ITPK1: variants seen among roughly 807,000 people sequenced by gnomAD.
ITPK1 encodes inositol 1,3,4-trisphosphate 5/6-kinase.
A neutral mutation model predicts 45.3 loss-of-function variants in ITPK1; 21 were observed. The ratio of observed to expected loss-of-function variants is 0.46; its 90% confidence interval spans 0.33 to 0.67. The LOEUF (loss-of-function observed/expected upper bound fraction) is 0.67. Ranked by LOEUF, ITPK1 falls within the 30% of genes least tolerant of loss-of-function variation. The pLI is 0.02. For synonymous variants in ITPK1, 258 were observed against 253.6 expected (o/e 1.02, Z -0.16); for missense variants, 474 against 573.5 (o/e 0.83, Z 1.77).
rs529068057 is a variant in ITPK1 at position 93,020,210 on chromosome 14, C to G, written c.121-3409G>C. ...GGGAGACGGCACAAAGGCCTGCAAACCCCAGTGGCCCCAGAGTCCTCTTTG... is the reference window on the plus strand; with the variant it reads ...GGGAGACGGCACAAAGGCCTGCAAAGCCCAGTGGCCCCAGAGTCCTCTTTG... On this transcript the variant is annotated intron_variant, in intron 3 of 10. Transcript: ENST00000267615. 5.3e-5 allele frequency among the ~76,000 whole-genome samples: 8 copies of G among 152,334 alleles called. No homozygotes were observed. The South Asian group carries it at 1.0e-3, about 20-fold the overall frequency.
chr14:93,070,708 G>A (rs541236449), intron 3 of ITPK1: 1 of 152,468 alleles, frequency 6.6e-6, no homozygotes, highest in East Asian at 1.9e-4. Flanking sequence ...CCTGTCTGGT[G>A]TCCCTGCCTA....
At chr14:93,059,994 G>GAACGCGT in intron 3 of ITPK1, among the ~76,000 whole-genome samples, 1 of 151,980 alleles carries the variant, frequency 6.6e-6, no homozygotes, top group African/African-American at 2.4e-5. Context: ...GTAGAACGCA[G>GAACGCGT]CATTCAAGAT....
At position 93,049,994 on chromosome 14, in the gene ITPK1, G is replaced by A. The variant is rs1017069025; in HGVS notation, c.120+26601C>T. Among the ~76,000 whole-genome samples the A allele has an allele frequency of 2.6e-5, 4 of 152,286 alleles. No individual in the cohort carries two copies. In the South Asian group the frequency reaches 6.2e-4, roughly 24 times the overall value. ...TTGGCAAAGGTTCTAGGCCTGCCAT[G>A]GGGGTGGGCGCCGACAATCCCTGCT... On this transcript the variant is annotated intron_variant, in intron 3 of 10. Coordinates refer to ENST00000267615, the MANE Select transcript of ITPK1 (RefSeq NM_014216.6).
At chr14:93,096,201 C>G (rs546338126) in intron 2 of ITPK1, among the ~76,000 whole-genome samples, 3 of 152,330 alleles carry the variant, frequency 2.0e-5, no homozygotes, top group African/African-American at 4.8e-5. Flanking sequence ...CTTCCCCTGC[C>G]TGAGATGCCG....
intron 5 of ITPK1, among the ~76,000 whole-genome samples, chr14:92,990,843 C>T (rs1376008204): frequency 6.6e-6 from 1 of 152,184 alleles, no homozygotes; most frequent in Non-Finnish European, 1.5e-5. Flanking sequence ...TGTGCCATGT[C>T]CCAACTGCCC....
intron 3 of ITPK1, among the ~76,000 whole-genome samples, chr14:93,044,584 G>A (rs1417784650): frequency 6.6e-6 from 1 of 152,184 alleles, no homozygotes; most frequent in Non-Finnish European, 1.5e-5. Context: ...GTAAAGGACT[G>A]ACAGCCAGCC....
chr14:92,975,011 G>A (rs1469107632), intron 5 of ITPK1, among the ~76,000 whole-genome samples: 2 of 152,232 alleles, frequency 1.3e-5, no homozygotes, highest in African/African-American at 2.4e-5. Context: ...CATGAGGAGA[G>A]GGTAGGGAAG....
intron 3 of ITPK1, among the ~76,000 whole-genome samples, chr14:93,057,900 A>G (rs1433758097): frequency 1.3e-5 from 2 of 152,192 alleles, no homozygotes; most frequent in Non-Finnish European, 2.9e-5. Flanking sequence ...GCATCACCAC[A>G]TGCTGTCTCT....
Position 92,938,531 on chromosome 14 carries a change from G to A in ITPK1, c.*3030C>T, listed in dbSNP as rs370363215. The A allele has an allele frequency of 1.2e-6, 2 of 1,611,288 alleles. No homozygotes were observed. Among genetic ancestry groups the A allele is most frequent in the African/African-American group, 1.3e-5 (1 of 74,880 alleles). ...TAAAGCACACTTGGCAGTCCCCTGG[G>A]TACAGAGAGGAATGTTTTTCCCAGG... On this transcript the variant is annotated 3_prime_UTR_variant, in exon 11 of 11. Transcript: ENST00000267615.
rs1884887866 is a variant in ITPK1, at chr14:92,958,723, A to C, written c.505-357T>G. On this transcript the variant is annotated intron_variant, in intron 7 of 10. Coordinates refer to ENST00000267615, the MANE Select transcript of ITPK1 (RefSeq NM_014216.6). This position sits in a 1 kb window ranked among gnomAD's most constrained non-coding sequence, Gnocchi z 4.4. ...TGCTGCTCAACCCTCTGACATCCTA[A>C]AGGATCCTCCACAAAGACCCGGGAG... Among the ~76,000 whole-genome samples the C allele has an allele frequency of 6.6e-6, 1 of 152,118 alleles. No individual in the cohort carries two copies. The highest frequency in any genetic ancestry group is 1.5e-5 in the Non-Finnish European group (1 of 68,008).
At chr14:93,078,659 C>G (rs1891321891) in intron 2 of ITPK1, among the ~76,000 whole-genome samples, 1 of 152,152 alleles carries the variant, frequency 6.6e-6, no homozygotes, top group African/African-American at 2.4e-5. Flanking sequence ...CACCACAGCC[C>G]ACAGCACAGT....
At position 93,027,559 on chromosome 14, in the gene ITPK1, T is replaced by G. The variant is rs1448789596; in HGVS notation, c.121-10758A>C. On this transcript the variant is annotated intron_variant, in intron 3 of 10. Transcript: ENST00000267615. ...CTGGGAGGGGGCCAGGGAGGCAGACTCTGGGCTAGACAACTGGAGAACCAC... is the reference window on the plus strand; with the variant it reads ...CTGGGAGGGGGCCAGGGAGGCAGACGCTGGGCTAGACAACTGGAGAACCAC... Among the ~76,000 whole-genome samples the G allele has an allele frequency of 2.0e-5, 3 of 152,104 alleles. No individual in the cohort carries two copies. In the East Asian group the frequency reaches 5.8e-4, roughly 29 times the overall value.
At chr14:93,000,572 C>T (rs1199862006) in intron 4 of ITPK1, among the ~76,000 whole-genome samples, 2 of 152,198 alleles carry the variant, frequency 1.3e-5, no homozygotes, top group African/African-American at 2.4e-5. Context: ...CAGTGTCAAA[C>T]GCCAGGCCAC....
intron 2 of ITPK1, among the ~76,000 whole-genome samples, chr14:93,101,341 T>A (rs1830695955): frequency 6.6e-6 from 1 of 152,250 alleles, no homozygotes; most frequent in Admixed American, 6.5e-5. Flanking sequence ...TCTGTACCTC[T>A]GGACTCTGTG....
intron 2 of ITPK1, 38 bp downstream of exon 2, chr14:93,115,031 C>CG: frequency 7.3e-7 from 1 of 1,363,886 alleles, no homozygotes; most frequent in East Asian, 2.6e-5. Context: ...GGGCTCGGGC[C>CG]GGGGGTCCCC....
At chr14:93,064,489 C>G (rs575001988) in intron 3 of ITPK1, among the ~76,000 whole-genome samples, 124 of 152,154 alleles carry the variant, frequency 8.1e-4, no homozygotes, top group Non-Finnish European at 7.9e-4. Context: ...CTGATCAAAG[C>G]CCCCTCTCAG....
intron 8 of ITPK1, among the ~76,000 whole-genome samples, chr14:92,953,083 G>C (rs541232038): frequency 6.6e-6 from 1 of 152,388 alleles, no homozygotes; most frequent in Non-Finnish European, 1.5e-5. Flanking sequence ...GCGAGGACAG[G>C]AGGGCACTGG....
chr14:92,982,283 G>A (rs182765915), intron 5 of ITPK1, among the ~76,000 whole-genome samples: 32 of 152,292 alleles, frequency 2.1e-4, no homozygotes, highest in African/African-American at 7.0e-4. Context: ...TCTGTGACTC[G>A]GTTCTGTTGC....
intron 3 of ITPK1, among the ~76,000 whole-genome samples, chr14:93,074,321 AT>A (rs999496045): frequency 1.3e-5 from 2 of 152,214 alleles, no homozygotes; most frequent in African/African-American, 4.8e-5. Context: ...TGCCCCGGAC[AT>A]TCTGACACAA....
Sources: gnomAD v4.1 joint callset for allele counts (sites outside exome capture counted in the v4.1 genomes callset) on GRCh38, gnomAD v4.1.1 for gene constraint, Gnocchi (gnomAD v3.1) non-coding constraint, MANE v1.5 for transcripts, NCBI Gene and HGNC (gene_info 2026-07-23, HGNC 2026-07-21) for gene names.